The following CAND1 variants were observed in gnomAD, a reference collection of about 807,000 sequenced individuals.
CAND1 encodes the protein cullin-associated NEDD8-dissociated protein 1.
Under a neutral mutation model 108.5 loss-of-function variants are expected in CAND1, and 7 were observed. The ratio of observed to expected loss-of-function variants is 0.06; its 90% CI spans 0.04 to 0.12. The LOEUF (loss-of-function observed/expected upper bound fraction) is 0.12. Among genes scored for constraint, CAND1 ranks in the 10% least tolerant of loss-of-function variants. The pLI, the probability that CAND1 is intolerant of heterozygous loss-of-function variation, is 1.00. For synonymous variants in CAND1, 534 were observed against 512.0 expected (o/e 1.04, Z -0.58); for missense variants, 941 against 1,448.7 (o/e 0.65, Z 5.69).
rs748802960 is a variant in CAND1 at position 67,302,522 on chromosome 12, T to C, written c.1200T>C (p.Ser400=). The C allele has an allele frequency of 4.0e-5, 64 of 1,614,168 alleles. 4 individuals are homozygous for C. The Middle Eastern group carries it at 2.1e-3, about 54-fold the overall frequency. Residue 400 remains serine (S), a synonymous_variant, in exon 8 of 15, where the codon TCT becomes TCC. Coordinates refer to ENST00000545606, the MANE Select transcript of CAND1 (RefSeq NM_018448.5). ...VKADVFHAYL[S]LLKQTRPVQS... is the part of the protein sequence containing the mutation. ...CAGATGTTTTTCACGCATACCTTTC[T>C]CTTTTGAAGCAAACTCGTCCTGTAC...
At chr12:67,282,211 G>GGT in intron 2 of CAND1, 158 bp downstream of exon 2, 2 of 649,366 alleles carry the variant, frequency 3.1e-6, no homozygotes, top group South Asian at 3.8e-5. Context: ...GTTTGTATAT[G>GGT]GTATATATAG....
At position 67,269,610 on chromosome 12, in the gene CAND1, G is replaced by C. The variant is rs2044496923; in HGVS notation, c.-108G>C. On this transcript the variant is annotated 5_prime_UTR_variant, in exon 1 of 15. Coordinates refer to ENST00000545606, the MANE Select transcript of CAND1 (RefSeq NM_018448.5). Reference sequence around the variant, plus strand: ...GGCGTCGCGCTGCGACCCTGGAAGCGGGAGCCGCCGCGAGCGAGAGGAGGA... The same window carrying C: ...GGCGTCGCGCTGCGACCCTGGAAGCCGGAGCCGCCGCGAGCGAGAGGAGGA... 1.1e-6 allele frequency: 1 copy of C among 944,714 alleles called. No individual in the cohort carries two copies. Among genetic ancestry groups the C allele is most frequent in the Non-Finnish European group, 1.6e-6 (1 of 628,056 alleles). The allele number at this position is 944,714 out of a possible 1,614,324, so 58.5% of individuals were successfully genotyped here.
chr12:67,281,143 T>G (rs1169112433), intron 1 of CAND1, among the ~76,000 whole-genome samples: 3 of 150,836 alleles, frequency 2.0e-5, no homozygotes, highest in African/African-American at 7.3e-5. Context: ...TAATACTAAA[T>G]TATTATTTTT....
intron 1 of CAND1, among the ~76,000 whole-genome samples, chr12:67,280,739 A>T (rs543199994): frequency 1.3e-5 from 2 of 152,342 alleles, no homozygotes; most frequent in South Asian, 4.1e-4. Flanking sequence ...GATGCCGTTT[A>T]TACCTTATTT....
rs147033134 is a variant in CAND1, at chr12:67,318,411, T to C, written c.*5581T>C. ...CCTATCTATAAAATGGGAATTAAAA[T>C]ATTTGCACCTTATAGGGTTATTGTG... On this transcript the variant is annotated 3_prime_UTR_variant, in exon 15 of 15. Coordinates refer to ENST00000545606, the MANE Select transcript of CAND1 (RefSeq NM_018448.5). The C allele has an allele frequency of 8.5e-5, 13 of 152,370 alleles. No individual in the cohort carries two copies. Among genetic ancestry groups the C allele is most frequent in the African/African-American group, 2.6e-4 (11 of 41,592 alleles). The allele number at this position is 152,370 out of a possible 1,614,324, so 9.4% of individuals were successfully genotyped here. A position where few individuals can be genotyped will look rare whatever the true frequency, so the allele number is the denominator to read the frequency against.
At position 67,318,060 on chromosome 12, in the gene CAND1, G is replaced by T. The variant is rs1207718587; in HGVS notation, c.*5230G>T. 1 of 152,276 alleles carries T rather than the reference G, an allele frequency of 6.6e-6. No homozygotes were observed. The highest frequency in any genetic ancestry group is 1.5e-5 in the Non-Finnish European group (1 of 68,106). 9.4% of individuals were successfully genotyped at this position (152,276 alleles called of 1,614,324 possible). On this transcript the variant is annotated 3_prime_UTR_variant, in exon 15 of 15. Transcript: ENST00000545606. ...GGCCAAGGCAGGTGGATTGCTTGAG[G>T]TCAAGAGTTCGAGACCAGTCTGGCC...
intron 2 of CAND1, among the ~76,000 whole-genome samples, chr12:67,288,487 T>A (rs551231889): frequency 3.9e-5 from 6 of 152,324 alleles, no homozygotes; most frequent in African/African-American, 1.4e-4. Context: ...GTTAAAACTT[T>A]CAACTATGTA....
rs2044833931 is a variant in CAND1, at chr12:67,302,398, C to G, written c.1076C>G (p.Ala359Gly). The part of the protein sequence containing the change: ...VRRAAAKCLD[A>G]VVSTRHEMLP... ...CGTGCAGCTGCGAAGTGCTTGGATG[C>G]TGTAGTTAGCACAAGGCATGAAATG... Residue 359 changes from alanine to glycine, a missense_variant, in exon 8 of 15, where the codon GCT becomes GGT. Physicochemically the swap from Ala to Gly is moderately conservative, Grantham distance 60. This residue lies in a region of CAND1 where 697 missense variants were observed against 942.0 expected (regional missense o/e 0.74). Coordinates refer to ENST00000545606, the MANE Select transcript of CAND1 (RefSeq NM_018448.5). 6.2e-7 allele frequency: 1 copy of G among 1,613,892 alleles called. No individual in the cohort carries two copies. Among genetic ancestry groups the G allele is most frequent in the Admixed American group, 1.7e-5 (1 of 59,994 alleles).
chr12:67,303,956 T>G (rs1182904965), intron 8 of CAND1, among the ~76,000 whole-genome samples: 4 of 152,110 alleles, frequency 2.6e-5, no homozygotes, highest in Admixed American at 2.6e-4. Context: ...CTAAATTTTT[T>G]ATTGAAAATA....
chr12:67,308,709 A>G (rs999449147), intron 11 of CAND1, among the ~76,000 whole-genome samples: 2 of 152,082 alleles, frequency 1.3e-5, no homozygotes, highest in Non-Finnish European at 2.9e-5. Context: ...GCGGATATAT[A>G]CTCTATTGTA....
rs117717403 is a variant in CAND1 at position 67,291,783 on chromosome 12, G to A, written c.213-839G>A. 7.0e-3 allele frequency among the ~76,000 whole-genome samples: 1,073 copies of A among 152,282 alleles called. 9 individuals carry two copies. The highest frequency in any genetic ancestry group is 0.02 in the Middle Eastern group (6 of 294). On this transcript the variant is annotated intron_variant, in intron 2 of 14. Coordinates refer to ENST00000545606, the MANE Select transcript of CAND1 (RefSeq NM_018448.5). ...GCACTCAAAGGGTTTTGAATTTTTA[G>A]ATGAGGGATGCTAAATCTATATGTT...
At chr12:67,277,496 T>C (rs2044580686) in intron 1 of CAND1, among the ~76,000 whole-genome samples, 1 of 152,210 alleles carries the variant, frequency 6.6e-6, no homozygotes, top group African/African-American at 2.4e-5. Context: ...ATTTCAGCAC[T>C]GTGCTTGGAG....
chr12:67,298,757 A>G (rs748774945), intron 6 of CAND1, among the ~76,000 whole-genome samples, 193 bp from the exon 7 acceptor site: 54 of 152,164 alleles, frequency 3.5e-4, no homozygotes, highest in Admixed American at 7.9e-4. Flanking sequence ...AAAATTGATT[A>G]AATAAGTACA....
intron 2 of CAND1, among the ~76,000 whole-genome samples, chr12:67,289,626 C>G (rs1381924826): frequency 6.6e-6 from 1 of 152,196 alleles, no homozygotes; most frequent in Non-Finnish European, 1.5e-5. Context: ...GCCCACTCGC[C>G]TCAGTCTCCC....
At position 67,302,465 on chromosome 12, in the gene CAND1, C is replaced by A; in HGVS notation, c.1143C>A (p.Ser381=). Residue 381 remains serine (S), a synonymous_variant, in exon 8 of 15, where the codon TCC becomes TCA. Coordinates refer to ENST00000545606, the MANE Select transcript of CAND1 (RefSeq NM_018448.5). ...FYKTVSPALI[S]RFKEREENVK... Reference sequence around the variant, plus strand: ...AGACCGTCTCTCCTGCACTAATATCCAGATTTAAAGAGCGTGAAGAGAATG... The same window carrying A: ...AGACCGTCTCTCCTGCACTAATATCAAGATTTAAAGAGCGTGAAGAGAATG... The A allele has an allele frequency of 6.2e-7, 1 of 1,614,084 alleles. No individual in the cohort carries two copies.
intron 7 of CAND1, among the ~76,000 whole-genome samples, chr12:67,300,704 A>C (rs970232425): frequency 1.3e-5 from 2 of 152,130 alleles, no homozygotes; most frequent in African/African-American, 4.8e-5. Flanking sequence ...TATAAGTTTC[A>C]TGAAGGCTAG....
At chr12:67,281,501 A>T (rs2044619864) in intron 1 of CAND1, among the ~76,000 whole-genome samples, 1 of 152,214 alleles carries the variant, frequency 6.6e-6, no homozygotes, top group Non-Finnish European at 1.5e-5. Flanking sequence ...CCTAGATAGA[A>T]TTCAAATCTC....
rs1274700189 is a variant in CAND1, at chr12:67,319,866, C to G, written c.*7036C>G. On this transcript the variant is annotated 3_prime_UTR_variant, in exon 15 of 15. Coordinates refer to ENST00000545606, the MANE Select transcript of CAND1 (RefSeq NM_018448.5). ...AAATTCTTGGGCCTTCCTTCTTGCT[C>G]TATATATGGTTTTGGATTCATTCCT... The G allele has an allele frequency of 1.3e-5, 2 of 152,192 alleles. No individual in the cohort carries two copies. The highest frequency in any genetic ancestry group is 4.8e-5 in the African/African-American group (2 of 41,450). 9.4% of individuals were successfully genotyped at this position (152,192 alleles called of 1,614,324 possible). A position where few individuals can be genotyped will look rare whatever the true frequency, so the allele number is the denominator to read the frequency against.
At chr12:67,304,306 C>T (rs2044856385) in intron 8 of CAND1, among the ~76,000 whole-genome samples, 1 of 151,986 alleles carries the variant, frequency 6.6e-6, no homozygotes, top group Non-Finnish European at 1.5e-5. Flanking sequence ...TCTTTTTAGT[C>T]ATGTATGTTT....
Sources: allele counts gnomAD v4.1 joint callset (sites outside exome capture counted in the v4.1 genomes callset), GRCh38; gene constraint gnomAD v4.1.1; regional missense constraint gnomAD v4.1.1; transcripts MANE v1.5; gene names NCBI Gene and HGNC (gene_info 2026-07-23, HGNC 2026-07-21).